The following CNTN6 variants were observed in gnomAD, a reference collection of about 807,000 sequenced individuals.
CNTN6 encodes the protein contactin 6.
A neutral mutation model predicts 122.8 loss-of-function variants in CNTN6; 137 were observed. That is an observed-to-expected ratio of 1.12 (90% CI 0.97 to 1.29). The LOEUF (loss-of-function observed/expected upper bound fraction) is 1.29. Ranked by LOEUF, CNTN6 falls within the 50% of genes most tolerant of loss-of-function variation. The probability of loss-of-function intolerance (pLI) is 0.00; values close to 1 mark genes in which losing one functional copy is unlikely to be tolerated. For missense variants in CNTN6, 1,634 were observed against 1,223.4 expected, an observed-to-expected ratio of 1.34 and a Z score of -5.01; for synonymous variants, 570 against 426.0, an observed-to-expected ratio of 1.34 and a Z score of -4.16.
At chr3:1,170,603 T>A (rs1202109327) in intron 2 of CNTN6, among the ~76,000 whole-genome samples, 3 of 152,200 alleles carry the variant, frequency 2.0e-5, no homozygotes, top group Non-Finnish European at 2.9e-5. Flanking sequence ...ACAATTTCAT[T>A]TTTTGTATTG....
chr3:1,310,109 T>A (rs1213792425), intron 7 of CNTN6, among the ~76,000 whole-genome samples: 1 of 151,994 alleles, frequency 6.6e-6, no homozygotes, highest in Non-Finnish European at 1.5e-5. Flanking sequence ...TACATTTTTT[T>A]TGCCTTTTCT....
At chr3:1,095,118 A>G (rs1327781377) in intron 1 of CNTN6, among the ~76,000 whole-genome samples, 3 of 152,022 alleles carry the variant, frequency 2.0e-5, no homozygotes, top group Non-Finnish European at 4.4e-5. Context: ...ATATTTAGAT[A>G]ATATAGTCAA....
chr3:1,317,235 TG>T (rs1559803473), intron 7 of CNTN6, among the ~76,000 whole-genome samples: 2 of 148,920 alleles, frequency 1.3e-5, no homozygotes, highest in Non-Finnish European at 1.5e-5. Flanking sequence ...GATAATTTGT[TG>T]TTTTTTCTTG....
chr3:1,264,633 G>T (rs1012078727), intron 4 of CNTN6, among the ~76,000 whole-genome samples: 4 of 152,004 alleles, frequency 2.6e-5, no homozygotes, highest in African/African-American at 9.7e-5. Context: ...GTGGTATTTT[G>T]ATGTATCTTT....
intron 1 of CNTN6, among the ~76,000 whole-genome samples, chr3:1,127,223 C>CTT: frequency 6.6e-6 from 1 of 151,810 alleles, no homozygotes; most frequent in South Asian, 2.1e-4. Flanking sequence ...CACATTCTAG[C>CTT]ACAGTTTAAT....
At position 1,280,575 on chromosome 3, in the gene CNTN6, C is replaced by T. The variant is rs182552775; in HGVS notation, c.454+2067C>T. Among the ~76,000 whole-genome samples the T allele has an allele frequency of 2.2e-3, 320 of 147,972 alleles. 7 individuals are homozygous for T. Among genetic ancestry groups the T allele is most frequent in the Admixed American group, 0.02 (285 of 14,480 alleles). On this transcript the variant is annotated intron_variant, in intron 5 of 22. Coordinates refer to ENST00000446702, the MANE Select transcript of CNTN6 (RefSeq NM_001289080.2). ...TGCCTCCTGGGTTCAAGCGATTCTC[C>T]TACCTCAGCCTACTGAGTAGCTGGG... is the stretch of plus-strand genomic sequence containing the variant.
chr3:1,167,472 T>C (rs2093277477), intron 2 of CNTN6, among the ~76,000 whole-genome samples: 1 of 152,206 alleles, frequency 6.6e-6, no homozygotes, highest in Non-Finnish European at 1.5e-5. Flanking sequence ...TAAATATCTT[T>C]TGTTTAGCTA....
intron 2 of CNTN6, among the ~76,000 whole-genome samples, chr3:1,148,374 T>A (rs1038067315): frequency 5.9e-5 from 9 of 151,782 alleles, no homozygotes; most frequent in Admixed American, 5.3e-4. Flanking sequence ...AGAATGTAAT[T>A]AAATATTTTT....
chr3:1,285,336 G>T (rs1339240227), intron 5 of CNTN6, among the ~76,000 whole-genome samples: 2 of 152,140 alleles, frequency 1.3e-5, no homozygotes, highest in African/African-American at 4.8e-5. Context: ...GTTGATGAAG[G>T]GATAGCAGGT....
intron 12 of CNTN6, among the ~76,000 whole-genome samples, chr3:1,371,660 G>A (rs1709033705): frequency 6.6e-6 from 1 of 152,064 alleles, no homozygotes; most frequent in Non-Finnish European, 1.5e-5. Context: ...GTAAAAGAAA[G>A]ATTGACATAG....
At chr3:1,324,878 C>G (rs146641132) in intron 8 of CNTN6, among the ~76,000 whole-genome samples, 1 of 149,518 alleles carries the variant, frequency 6.7e-6, no homozygotes, top group Non-Finnish European at 1.5e-5. Flanking sequence ...AACATCGCTG[C>G]GAGAATCCAC....
At chr3:1,160,453 G>A (rs1254553746) in intron 2 of CNTN6, among the ~76,000 whole-genome samples, 11 of 149,918 alleles carry the variant, frequency 7.3e-5, no homozygotes. Context: ...ATTCATCCAA[G>A]TTGTTGTGTA....
chr3:1,386,192 T>A (rs2126196624), intron 20 of CNTN6, among the ~76,000 whole-genome samples: 1 of 152,222 alleles, frequency 6.6e-6, no homozygotes, highest in Non-Finnish European at 1.5e-5. Context: ...TCATAGGTTT[T>A]GTTCAAGATT....
intron 4 of CNTN6, among the ~76,000 whole-genome samples, chr3:1,238,956 A>C (rs1274030068): frequency 6.6e-6 from 1 of 152,208 alleles, no homozygotes; most frequent in Non-Finnish European, 1.5e-5. Flanking sequence ...GAAGCGGGAG[A>C]TATTACAACT....
At chr3:1,380,643 G>A (rs376735950) in intron 17 of CNTN6, among the ~76,000 whole-genome samples, 1 of 152,230 alleles carries the variant, frequency 6.6e-6, no homozygotes, top group South Asian at 2.1e-4. Flanking sequence ...AGTCTCGTGG[G>A]CCACATGACC....
At chr3:1,249,844 A>G (rs1319256032) in intron 4 of CNTN6, among the ~76,000 whole-genome samples, 1 of 152,196 alleles carries the variant, frequency 6.6e-6, no homozygotes, top group Non-Finnish European at 1.5e-5. Flanking sequence ...AAGCAAAAGT[A>G]ATCAAATATA....
chr3:1,339,478 C>T (rs1191104674), intron 11 of CNTN6, among the ~76,000 whole-genome samples: 1 of 152,160 alleles, frequency 6.6e-6, no homozygotes, highest in Non-Finnish European at 1.5e-5. Context: ...GACAAGCCCA[C>T]AGCTCCGGTG....
chr3:1,136,990 T>C (rs186260796), intron 1 of CNTN6, among the ~76,000 whole-genome samples: 85 of 152,314 alleles, frequency 5.6e-4, no homozygotes, highest in African/African-American at 2.0e-3. Flanking sequence ...TTCTGTTGGG[T>C]ATTTGAAAAA....
intron 4 of CNTN6, among the ~76,000 whole-genome samples, chr3:1,245,256 AAC>A (rs1575400163): frequency 5.0e-4 from 2 of 4,024 alleles, no homozygotes; most frequent in Non-Finnish European, 1.2e-3. Flanking sequence ...ATATATATAT[AAC>A]ATATATATAT....
Sources: allele counts gnomAD v4.1 joint callset (sites outside exome capture counted in the v4.1 genomes callset), GRCh38; gene constraint gnomAD v4.1.1; transcripts MANE v1.5; gene names NCBI Gene and HGNC (gene_info 2026-07-23, HGNC 2026-07-21).